The following ATG7 variants were observed in gnomAD, a reference collection of about 807,000 sequenced individuals.
ATG7 encodes autophagy related 7.
In ATG7, 70 loss-of-function variants were observed where a neutral mutation model predicts 82.4. That is an observed-to-expected ratio of 0.85 (90% CI 0.70 to 1.04). The LOEUF (loss-of-function observed/expected upper bound fraction) is 1.04, where lower values mean the gene tolerates loss of function less well. Among genes scored for constraint, ATG7 ranks in the 50% least tolerant of loss-of-function variants. ATG7 has a pLI of 0.00. For synonymous variants in ATG7, 287 were observed against 313.0 expected, an observed-to-expected ratio of 0.92 and a Z score of 0.88; for missense variants, 792 against 864.3, an observed-to-expected ratio of 0.92 and a Z score of 1.05.
intron 19 of ATG7, among the ~76,000 whole-genome samples, chr3:11,395,772 C>G (rs1301635744): frequency 2.6e-5 from 4 of 151,858 alleles, no homozygotes; most frequent in Non-Finnish European, 5.9e-5. Context: ...AACCCCGTCT[C>G]TACTAAAAAT....
chr3:11,442,059 T>TA lies in ATG7; in HGVS notation c.2079+15133_2079+15134insA, dbSNP rs571395861. Reference sequence around the variant, plus strand: ...CTCAAGCCATTCACCTGCTTCGACTTCACAAAGTTCTGAGATTACAGGTGT... The same window carrying TA: ...CTCAAGCCATTCACCTGCTTCGACTTACACAAAGTTCTGAGATTACAGGTGT... On this transcript the variant is annotated intron_variant, in intron 20 of 20. Transcript: ENST00000693202. 1.7e-3 allele frequency among the ~76,000 whole-genome samples: 252 copies of TA among 152,332 alleles called. 1 individual carries two copies. Among genetic ancestry groups the TA allele is most frequent in the African/African-American group, 5.5e-3 (229 of 41,578 alleles).
At chr3:11,338,587 G>A (rs1205983446) in intron 11 of ATG7, among the ~76,000 whole-genome samples, 2 of 152,136 alleles carry the variant, frequency 1.3e-5, no homozygotes, top group African/African-American at 4.8e-5. Context: ...GGCTGAAGCT[G>A]GAGGATCACT....
At chr3:11,450,354 T>C (rs1290444845) in intron 20 of ATG7, among the ~76,000 whole-genome samples, 3 of 152,216 alleles carry the variant, frequency 2.0e-5, no homozygotes, top group Non-Finnish European at 2.9e-5. Flanking sequence ...CCTTCACGTG[T>C]TTGACCATGG....
At chr3:11,298,615 A>G (rs1215372495) in intron 3 of ATG7, 71 bp from the exon 4 acceptor site, 2 of 1,436,902 alleles carry the variant, frequency 1.4e-6, no homozygotes, top group Non-Finnish European at 1.9e-6. Context: ...AAACTTTATT[A>G]CAAATGTTCT....
At chr3:11,492,513 C>T (rs73812464) in intron 20 of ATG7, among the ~76,000 whole-genome samples, 1 of 152,212 alleles carries the variant, frequency 6.6e-6, no homozygotes, top group African/African-American at 2.4e-5. Flanking sequence ...TCTTGACACC[C>T]TTTGCTGAGG....
chr3:11,472,648 G>A (rs758932806), intron 20 of ATG7, among the ~76,000 whole-genome samples: 5 of 152,084 alleles, frequency 3.3e-5, no homozygotes, highest in Non-Finnish European at 5.9e-5. Flanking sequence ...TTGCTAATAC[G>A]TCTGTTATTT....
intron 17 of ATG7, among the ~76,000 whole-genome samples, chr3:11,364,453 T>G (rs6785396): frequency 0.026 from 3,925 of 152,270 alleles, 158 homozygotes; most frequent in African/African-American, 0.087. Flanking sequence ...GGTCACAAGC[T>G]CAGGTCTTTC....
At chr3:11,272,852 A>C (rs1940786182) in intron 1 of ATG7, 2 of 152,230 alleles carry the variant, frequency 1.3e-5, no homozygotes, top group Non-Finnish European at 2.9e-5. Context: ...TGGGAATGAT[A>C]ATCCGCCATT....
At chr3:11,501,281 T>TATC (rs1409978244) in intron 20 of ATG7, among the ~76,000 whole-genome samples, 1 of 152,162 alleles carries the variant, frequency 6.6e-6, no homozygotes, top group Non-Finnish European at 1.5e-5. Context: ...AGAAATTTTG[T>TATC]ATCATGCTTA....
At chr3:11,495,121 C>G (rs2090720704) in intron 20 of ATG7, among the ~76,000 whole-genome samples, 1 of 152,098 alleles carries the variant, frequency 6.6e-6, no homozygotes, top group Admixed American at 6.5e-5. Flanking sequence ...AGGCCCTGTC[C>G]AAACCTGACA....
At chr3:11,286,494 T>G (rs1263769359) in intron 3 of ATG7, among the ~76,000 whole-genome samples, 3 of 152,012 alleles carry the variant, frequency 2.0e-5, no homozygotes, top group African/African-American at 7.2e-5. Context: ...TATTTCTTGC[T>G]TTTGTTTCTT....
chr3:11,499,661 C>T (rs775945549), intron 20 of ATG7, among the ~76,000 whole-genome samples: 1 of 151,024 alleles, frequency 6.6e-6, no homozygotes, highest in African/African-American at 2.4e-5. Flanking sequence ...GCAGGAGAAT[C>T]GCTTGAACCG....
intron 20 of ATG7, among the ~76,000 whole-genome samples, chr3:11,496,366 A>G (rs2090836036): frequency 6.6e-6 from 1 of 152,170 alleles, no homozygotes; most frequent in Admixed American, 6.6e-5. Context: ...CATTGAGGGA[A>G]GTGATCCTGC....
At chr3:11,438,600 T>C (rs201580060) in intron 20 of ATG7, among the ~76,000 whole-genome samples, 2 of 147,224 alleles carry the variant, frequency 1.4e-5, no homozygotes, top group East Asian at 4.1e-4. Context: ...ATTTTTTTTC[T>C]TTTTAACCTA....
At chr3:11,280,151 A>G (rs1270980182) in intron 1 of ATG7, among the ~76,000 whole-genome samples, 1 of 151,966 alleles carries the variant, frequency 6.6e-6, no homozygotes, top group South Asian at 2.1e-4. Context: ...GGTTCAAGCA[A>G]TTCTCAAGCT....
intron 19 of ATG7, among the ~76,000 whole-genome samples, chr3:11,385,016 T>TTTG (rs2078208629): frequency 1.3e-5 from 2 of 151,678 alleles, no homozygotes; most frequent in Non-Finnish European, 2.9e-5. Flanking sequence ...TAAATAGTGT[T>TTTG]TTTGTTTGTT....
chr3:11,386,442 A>G (rs751997812), intron 19 of ATG7, among the ~76,000 whole-genome samples: 3 of 152,136 alleles, frequency 2.0e-5, no homozygotes, highest in Non-Finnish European at 4.4e-5. Context: ...CATTCCTACT[A>G]TAAGGGATTT....
intron 20 of ATG7, among the ~76,000 whole-genome samples, chr3:11,455,770 G>A (rs2085647389): frequency 1.3e-5 from 2 of 152,062 alleles, no homozygotes; most frequent in African/African-American, 4.8e-5. Context: ...TAATCAAGCT[G>A]ATTTACTCAC....
At chr3:11,366,260 A>G (rs1196452556) in intron 18 of ATG7, among the ~76,000 whole-genome samples, 1 of 151,278 alleles carries the variant, frequency 6.6e-6, no homozygotes, top group Admixed American at 6.6e-5. Context: ...GAGTTCACTT[A>G]GCCTCCCAGA....
Sources: gnomAD v4.1 joint callset for allele counts (sites outside exome capture counted in the v4.1 genomes callset) on GRCh38, gnomAD v4.1.1 for gene constraint, MANE v1.5 for transcripts, NCBI Gene and HGNC (gene_info 2026-07-23, HGNC 2026-07-21) for gene names.